The following TMEM106A variants were observed in gnomAD, a reference collection of about 807,000 sequenced individuals.
TMEM106A encodes the protein transmembrane protein 106A.
TMEM106A carries 22 observed loss-of-function variants against 25.1 expected under a neutral mutation model. That is an observed-to-expected ratio of 0.88 (90% CI 0.63 to 1.25). The LOEUF is 1.25. Among genes scored for constraint, TMEM106A ranks in the 50% most tolerant of loss-of-function variants. TMEM106A has a pLI of 0.00. For missense variants in TMEM106A, 275 were observed against 318.1 expected (o/e 0.86, Z 1.03); for synonymous variants, 104 against 129.9 (o/e 0.80, Z 1.35).
In TMEM106A at chr17:43,213,213, A is replaced by G. The variant is rs1567875259; in HGVS notation, c.172A>G (p.Thr58Ala). Reference sequence around the variant, plus strand: ...AGGAACTGCTGATGCCAGCTTCGTGACTTGTCCCACCTGCCAGGGCAGTGG... The same window carrying G: ...AGGAACTGCTGATGCCAGCTTCGTGGCTTGTCCCACCTGCCAGGGCAGTGG... ...CEGTADASFV[T>A]CPTCQGSGKI... Residue 58 changes from threonine to alanine, a missense_variant, in exon 3 of 9, where the codon ACT (threonine) becomes GCT (alanine). Thr to Ala is a moderately conservative substitution (Grantham distance 58). Coordinates refer to ENST00000612339, the MANE Select transcript of TMEM106A (RefSeq NM_145041.4). 1 of 1,614,160 alleles carries G rather than the reference A, an allele frequency of 6.2e-7. No individual in the cohort carries two copies. The highest frequency in any genetic ancestry group is 8.5e-7 in the Non-Finnish European group (1 of 1,180,038).
chr17:43,213,334 C>A, intron 3 of TMEM106A, 82 bp downstream of exon 3: 1 of 1,438,738 alleles, frequency 7.0e-7, no homozygotes, highest in South Asian at 1.2e-5. Flanking sequence ...CCCTCTGAGT[C>A]TCCTTGGATG....
chr17:43,217,617 T>C, intron 8 of TMEM106A, 64 bp from the exon 9 acceptor site: 1 of 1,604,322 alleles, frequency 6.2e-7, no homozygotes, highest in Non-Finnish European at 8.5e-7. Context: ...CCCCAGACAG[T>C]ATAATGGGGC....
In TMEM106A at chr17:43,217,679, AG is replaced by A; in HGVS notation, c.671del. 6.2e-7 allele frequency: 1 copy of A among 1,614,038 alleles called. No homozygotes were observed. Among genetic ancestry groups the A allele is most frequent in the Non-Finnish European group, 8.5e-7 (1 of 1,179,944 alleles). On this transcript the variant is annotated splice_acceptor_variant, in intron 8 of 8. Coordinates refer to ENST00000612339, the MANE Select transcript of TMEM106A (RefSeq NM_145041.4). LOFTEE classifies it high-confidence loss of function. ...TGGCAACAAGGCCTGCTTCCTCTCCAGGGGCACCCTGACCTGTTCATACCTG... is the reference window on the plus strand; with the variant it reads ...TGGCAACAAGGCCTGCTTCCTCTCCAGGGCACCCTGACCTGTTCATACCTG...
At position 43,219,959 on chromosome 17, in the gene TMEM106A, G is replaced by C. The variant is rs2057523065; in HGVS notation, c.*2158G>C. 2 of 152,340 alleles carry C rather than the reference G, an allele frequency of 1.3e-5. No individual in the cohort carries two copies. The highest frequency in any genetic ancestry group is 2.9e-5 in the Non-Finnish European group (2 of 68,124). The allele number at this position is 152,340 out of a possible 1,614,324, so 9.4% of individuals were successfully genotyped here. A position where few individuals can be genotyped will look rare whatever the true frequency, so the allele number is the denominator to read the frequency against. The stretch of plus-strand genomic sequence containing the variant: ...AGAGCGCAAAAGTCCAGGGAAGCCA[G>C]GCTGGAGCTGCTGTGTATAGACTGC... On this transcript the variant is annotated 3_prime_UTR_variant, in exon 9 of 9. Transcript: ENST00000612339.
At position 43,215,774 on chromosome 17, in the gene TMEM106A, C is replaced by T; in HGVS notation, c.276-14C>T. ...CTTTTCCATTCCTCCATCCTGGGTC[C>T]TGCTTTCCCACAGGAAGCTCTTTGT... On this transcript the variant is annotated splice_polypyrimidine_tract_variant and intron_variant, in intron 4 of 8. Transcript: ENST00000612339. 5 of 1,613,142 alleles carry T rather than the reference C, an allele frequency of 3.1e-6. No individual in the cohort carries two copies. Among genetic ancestry groups the T allele is most frequent in the Non-Finnish European group, 3.4e-6 (4 of 1,179,946 alleles).
In TMEM106A at chr17:43,219,061, T is replaced by C. The variant is rs2057512577; in HGVS notation, c.*1260T>C. ...CAGAGCCAAAGACAGAATCATTGTA[T>C]AAGATATTTATTAAAGGAGAGCCTC... On this transcript the variant is annotated 3_prime_UTR_variant, in exon 9 of 9. Transcript: ENST00000612339. 6.6e-6 allele frequency: 1 copy of C among 152,186 alleles called. No individual in the cohort carries two copies. Among genetic ancestry groups the C allele is most frequent in the Non-Finnish European group, 1.5e-5 (1 of 68,040 alleles). The allele number at this position is 152,186 out of a possible 1,614,324, so 9.4% of individuals were successfully genotyped here. A position where few individuals can be genotyped will look rare whatever the true frequency, so the allele number is the denominator to read the frequency against.
chr17:43,215,624 T>A (rs1333179380), intron 4 of TMEM106A, among the ~76,000 whole-genome samples, 164 bp from the exon 5 acceptor site: 1 of 152,192 alleles, frequency 6.6e-6, no homozygotes, highest in East Asian at 1.9e-4. Flanking sequence ...CTGCCAATCC[T>A]GTGCTCCTAC....
intron 4 of TMEM106A, 119 bp from the exon 5 acceptor site, chr17:43,215,669 T>G: frequency 9.3e-7 from 1 of 1,076,350 alleles, no homozygotes; most frequent in Non-Finnish European, 1.4e-6. Flanking sequence ...CTAAATGTTG[T>G]TGGGGTAGTG....
intron 8 of TMEM106A, 144 bp from the exon 9 acceptor site, chr17:43,217,537 C>T: frequency 1.4e-6 from 2 of 1,463,268 alleles, no homozygotes; most frequent in Non-Finnish European, 9.2e-7. Flanking sequence ...GGTGGGGCAG[C>T]TGTCCCAGGT....
At chr17:43,217,614 C>G (rs1249882990) in intron 8 of TMEM106A, 67 bp from the exon 9 acceptor site, 65 of 1,597,228 alleles carry the variant, frequency 4.1e-5, no homozygotes, top group Non-Finnish European at 5.3e-5. Context: ...CACCCCCAGA[C>G]AGTATAATGG....
Position 43,217,980 on chromosome 17 carries a change from C to T in TMEM106A, c.*179C>T. On this transcript the variant is annotated 3_prime_UTR_variant, in exon 9 of 9. Transcript: ENST00000612339. Reference sequence around the variant, plus strand: ...TGCTTTGAAGTTAACTTCATACACACACACTCATATCCTCCAGTTTCCCCC... The same window carrying T: ...TGCTTTGAAGTTAACTTCATACACATACACTCATATCCTCCAGTTTCCCCC... The T allele has an allele frequency of 3.7e-6, 3 of 810,032 alleles. No individual in the cohort carries two copies. Among genetic ancestry groups the T allele is most frequent in the Non-Finnish European group, 5.9e-6 (3 of 508,948 alleles). The allele number at this position is 810,032 out of a possible 1,614,324, so 50.2% of individuals were successfully genotyped here.
At chr17:43,212,620 G>C (rs533549084) in intron 2 of TMEM106A, among the ~76,000 whole-genome samples, 1 of 152,124 alleles carries the variant, frequency 6.6e-6, no homozygotes, top group Admixed American at 6.5e-5. Flanking sequence ...CCTGTGACCA[G>C]TCTGGCCTCC....
chr17:43,219,238 C>G lies in TMEM106A; in HGVS notation c.*1437C>G, dbSNP rs1486956003. The G allele has an allele frequency of 6.6e-6, 1 of 152,158 alleles. No individual in the cohort carries two copies. Among genetic ancestry groups the G allele is most frequent in the Non-Finnish European group, 1.5e-5 (1 of 68,116 alleles). The allele number at this position is 152,158 out of a possible 1,614,324, so 9.4% of individuals were successfully genotyped here. On this transcript the variant is annotated 3_prime_UTR_variant, in exon 9 of 9. Coordinates refer to ENST00000612339, the MANE Select transcript of TMEM106A (RefSeq NM_145041.4). ...TCCACCACCACCTTAGCACCAGGGCCCTCTCTGGTCCCAGAGGCCTCATCT... is the reference window on the plus strand; with the variant it reads ...TCCACCACCACCTTAGCACCAGGGCGCTCTCTGGTCCCAGAGGCCTCATCT...
intron 4 of TMEM106A, among the ~76,000 whole-genome samples, chr17:43,214,980 A>C (rs972204393): frequency 2.0e-5 from 3 of 149,326 alleles, no homozygotes; most frequent in African/African-American, 4.9e-5. Context: ...AAAAACAAAA[A>C]AAAACCCTGT....
chr17:43,215,977 T>C, intron 5 of TMEM106A, 36 bp downstream of exon 5: 1 of 1,612,374 alleles, frequency 6.2e-7, no homozygotes, highest in Non-Finnish European at 8.5e-7. Context: ...CCCCCCTTCC[T>C]AGCAATACTT....
At position 43,217,598 on chromosome 17, in the gene TMEM106A, G is replaced by A. The variant is rs897214821; in HGVS notation, c.669-83G>A. The A allele has an allele frequency of 7.5e-5, 117 of 1,559,998 alleles. 2 individuals carry two copies. In the South Asian group the frequency reaches 1.3e-3, roughly 17 times the overall value. On this transcript the variant is annotated intron_variant, in intron 8 of 8. Coordinates refer to ENST00000612339, the MANE Select transcript of TMEM106A (RefSeq NM_145041.4). ...GGAAGGGCAAATGAGGGAGCTCCCC[G>A]CTCCCCACCCCCAGACAGTATAATG... is the stretch of plus-strand genomic sequence containing the variant.
chr17:43,212,059 TG>T (rs2057434147), intron 1 of TMEM106A, 137 bp downstream of exon 1: 1 of 152,220 alleles, frequency 6.6e-6, no homozygotes, highest in African/African-American at 2.4e-5. Context: ...TAGGGGTGTG[TG>T]GTGGGACTTG....
chr17:43,214,020 G>A, intron 4 of TMEM106A, 129 bp downstream of exon 4: 1 of 938,592 alleles, frequency 1.1e-6, no homozygotes, highest in Non-Finnish European at 1.6e-6. Flanking sequence ...AGCCTCAGAG[G>A]TACCAGCTCC....
rs2057502139 is a variant in TMEM106A at position 43,217,915 on chromosome 17, C to T, written c.*114C>T. The T allele has an allele frequency of 4.7e-6, 7 of 1,495,590 alleles. No homozygotes were observed. In the South Asian group the frequency reaches 7.6e-5, roughly 16 times the overall value. 92.6% of individuals were successfully genotyped at this position (1,495,590 alleles called of 1,614,324 possible). ...CTTTGCCAAAGGAGAAGCCCTGCCT[C>T]ATCACACCCTTACCTCCCACCCCCT... On this transcript the variant is annotated 3_prime_UTR_variant, in exon 9 of 9. Coordinates refer to ENST00000612339, the MANE Select transcript of TMEM106A (RefSeq NM_145041.4).
Sources: gnomAD v4.1 joint callset for allele counts (sites outside exome capture counted in the v4.1 genomes callset) on GRCh38, gnomAD v4.1.1 for gene constraint, MANE v1.5 for transcripts, NCBI Gene and HGNC (gene_info 2026-07-23, HGNC 2026-07-21) for gene names.